ZNF491: variants seen among roughly 807,000 people sequenced by gnomAD.
ZNF491 encodes the protein zinc finger protein 491.
In ZNF491, 22 loss-of-function variants were observed where a neutral mutation model predicts 34.7. The observed-to-expected ratio is 0.63, with a 90% confidence interval of 0.45 to 0.90. The LOEUF is 0.90. Among genes scored for constraint, ZNF491 ranks in the 40% least tolerant of loss-of-function variants. The pLI, the probability that ZNF491 is intolerant of heterozygous loss-of-function variation, is 0.00. For synonymous variants in ZNF491, 148 were observed against 174.3 expected, an observed-to-expected ratio of 0.85 and a Z score of 1.19; for missense variants, 559 against 531.7, an observed-to-expected ratio of 1.05 and a Z score of -0.51.
At chr19:11,799,724 A>G (rs1975538724) in intron 1 of ZNF491, among the ~76,000 whole-genome samples, 1 of 152,198 alleles carries the variant, frequency 6.6e-6, no homozygotes, top group African/African-American at 2.4e-5. Context: ...TGACGAGGTC[A>G]GGAATTCGAG....
chr19:11,805,426 A>AAG (rs924273689), intron 2 of ZNF491, among the ~76,000 whole-genome samples: 1 of 151,854 alleles, frequency 6.6e-6, no homozygotes, highest in African/African-American at 2.4e-5. Context: ...AAAAAAAAAA[A>AAG]AAAAAGAAAC....
At chr19:11,802,980 C>CTTT (rs60046800) in intron 1 of ZNF491, among the ~76,000 whole-genome samples, 1 of 136,780 alleles carries the variant, frequency 7.3e-6, no homozygotes, top group Non-Finnish European at 1.6e-5. Context: ...TTTTCCTATT[C>CTTT]TTTTTTTTTT....
At chr19:11,802,669 T>C (rs1274494365) in intron 1 of ZNF491, among the ~76,000 whole-genome samples, 1 of 152,256 alleles carries the variant, frequency 6.6e-6, no homozygotes, top group Non-Finnish European at 1.5e-5. Context: ...CAGTTAGTTA[T>C]GACTCTCTTA....
At chr19:11,800,480 A>T (rs1450732449) in intron 1 of ZNF491, among the ~76,000 whole-genome samples, 2 of 152,008 alleles carry the variant, frequency 1.3e-5, no homozygotes, top group African/African-American at 4.8e-5. Context: ...AGCACTATTT[A>T]AAAATGTTAT....
intron 1 of ZNF491, among the ~76,000 whole-genome samples, chr19:11,802,715 G>A (rs1163876549): frequency 6.6e-6 from 1 of 152,110 alleles, no homozygotes; most frequent in Admixed American, 6.5e-5. Flanking sequence ...GCAAAATTCG[G>A]TTTTTGTTTG....
rs547272824 is a variant in ZNF491, at chr19:11,808,316, A to T, written c.*1049A>T. 1.2e-3 allele frequency among the ~76,000 whole-genome samples: 186 copies of T among 150,738 alleles called. 1 individual carries two copies. Among genetic ancestry groups the T allele is most frequent in the Middle Eastern group, 3.4e-3 (1 of 292 alleles). On this transcript the variant is annotated 3_prime_UTR_variant, in exon 3 of 3. Transcript: ENST00000323169. ...AGAATCTCCTGAACCTGGGAGGTGG[A>T]GGTTGCAGTGAGCCAAGATCACGCC...
At chr19:11,805,639 A>G (rs1975601575) in intron 2 of ZNF491, among the ~76,000 whole-genome samples, 1 of 152,140 alleles carries the variant, frequency 6.6e-6, no homozygotes, top group African/African-American at 2.4e-5. Flanking sequence ...CTTGAGGTCA[A>G]GAGCCCAAGA....
Position 11,806,328 on chromosome 19 carries a change from CA to C in ZNF491, c.376del (p.Ser126ValfsTer131), listed in dbSNP as rs1237521736. The C allele has an allele frequency of 6.2e-7, 1 of 1,611,394 alleles. No individual in the cohort carries two copies. The highest frequency in any genetic ancestry group is 1.3e-5 in the African/African-American group (1 of 74,754). The stretch of plus-strand genomic sequence containing the variant: ...GCATTCGAAGATATATGGTAACGCA[CA>C]GTGGAGATGGACCTTATAAATGTAA... ...ASIRRYMVTH[S>X]GDGPYKCKFC... On this transcript the variant is annotated frameshift_variant, in exon 3 of 3. Coordinates refer to ENST00000323169, the MANE Select transcript of ZNF491 (RefSeq NM_152356.4). LOFTEE classifies it high-confidence loss of function.
At position 11,807,288 on chromosome 19, in the gene ZNF491, T is replaced by G; in HGVS notation, c.*21T>G. ...TATGAGAGAAATGCTATTTTTTAAT[T>G]TTTATTTTAATAGAGACAGGGTCTC... On this transcript the variant is annotated 3_prime_UTR_variant, in exon 3 of 3. Transcript: ENST00000323169. 1 of 1,485,270 alleles carries G rather than the reference T, an allele frequency of 6.7e-7. No individual in the cohort carries two copies. The highest frequency in any genetic ancestry group is 9.0e-7 in the Non-Finnish European group (1 of 1,116,446). 92.0% of individuals were successfully genotyped at this position (1,485,270 alleles called of 1,614,324 possible).
chr19:11,802,876 T>G (rs1055298871), intron 1 of ZNF491, among the ~76,000 whole-genome samples: 1 of 152,118 alleles, frequency 6.6e-6, no homozygotes, highest in Non-Finnish European at 1.5e-5. Flanking sequence ...TTAGTAGGAC[T>G]CTGTTACAAA....
chr19:11,800,824 A>T (rs2145096219), intron 1 of ZNF491, among the ~76,000 whole-genome samples: 1 of 152,170 alleles, frequency 6.6e-6, no homozygotes, highest in East Asian at 1.9e-4. Context: ...GGAGTTCAAG[A>T]CCAGAGTGGG....
intron 1 of ZNF491, among the ~76,000 whole-genome samples, chr19:11,803,487 T>G: frequency 6.6e-6 from 1 of 152,342 alleles, no homozygotes; most frequent in East Asian, 1.9e-4. Flanking sequence ...ATATCCTTTT[T>G]CTATTCCAGG....
chr19:11,801,979 AT>A (rs1289219728), intron 1 of ZNF491, among the ~76,000 whole-genome samples: 1 of 151,984 alleles, frequency 6.6e-6, no homozygotes, highest in Non-Finnish European at 1.5e-5. Context: ...ATGGATTTCA[AT>A]TCATTTTATT....
Position 11,806,934 on chromosome 19 carries a change from T to C in ZNF491, c.981T>C (p.Asp327=). 6.2e-7 allele frequency: 1 copy of C among 1,611,786 alleles called. No homozygotes were observed. Among genetic ancestry groups the C allele is most frequent in the Non-Finnish European group, 8.5e-7 (1 of 1,179,400 alleles). The change falls in exon 3 of 3, where the codon GAT becomes GAC. Residue 327 remains aspartate, a synonymous_variant. Transcript: ENST00000323169. The stretch of plus-strand genomic sequence containing the variant: ...GGACTCACACTGGAGAGAAACCCGA[T>C]GGGTGTAAGCAATGTGGGAAAGCCT... The part of the protein sequence containing the change: ...HERTHTGEKP[D]GCKQCGKAFR...
chr19:11,799,459 TAATC>T (rs1975534407), intron 1 of ZNF491, among the ~76,000 whole-genome samples: 1 of 150,846 alleles, frequency 6.6e-6, no homozygotes, highest in African/African-American at 2.4e-5. Context: ...CACAACAATT[TAATC>T]AGAGTTTGGC....
chr19:11,799,472 G>C (rs1299123993), intron 1 of ZNF491, among the ~76,000 whole-genome samples: 1 of 132,696 alleles, frequency 7.5e-6, no homozygotes, highest in South Asian at 2.4e-4. Flanking sequence ...TCAGAGTTTG[G>C]CCCGCCCCCC....
intron 2 of ZNF491, among the ~76,000 whole-genome samples, chr19:11,805,074 T>G (rs553426320): frequency 1.1e-4 from 16 of 152,348 alleles, no homozygotes; most frequent in Middle Eastern, 6.8e-3. Flanking sequence ...CAATGTGATA[T>G]AGAGGTTTAA....
rs1975529448 is a variant in ZNF491 at position 11,798,921 on chromosome 19, G to T, written c.-134+194G>T. 6.6e-6 allele frequency among the ~76,000 whole-genome samples: 1 copy of T among 152,168 alleles called. No individual in the cohort carries two copies. Among genetic ancestry groups the T allele is most frequent in the Admixed American group, 6.5e-5 (1 of 15,280 alleles). On this transcript the variant is annotated intron_variant, in intron 1 of 2. Coordinates refer to ENST00000323169, the MANE Select transcript of ZNF491 (RefSeq NM_152356.4). This position sits in a 1 kb window ranked among gnomAD's most constrained non-coding sequence, Gnocchi z 4.0. Reference sequence around the variant, plus strand: ...TGGGCCCGCAGCTGGGACCCCGGGCGTCCTGTCCCGTCCCTACGCGGCGAC... The same window carrying T: ...TGGGCCCGCAGCTGGGACCCCGGGCTTCCTGTCCCGTCCCTACGCGGCGAC...
rs1227983379 is a variant in ZNF491 at position 11,807,538 on chromosome 19, C to A, written c.*271C>A. ...ACATGGGCTGTGTGGCCCCCTGATTCTAGCCCATTTTCCTGATTCTCTGGC... is the reference window on the plus strand; with the variant it reads ...ACATGGGCTGTGTGGCCCCCTGATTATAGCCCATTTTCCTGATTCTCTGGC... On this transcript the variant is annotated 3_prime_UTR_variant, in exon 3 of 3. Coordinates refer to ENST00000323169, the MANE Select transcript of ZNF491 (RefSeq NM_152356.4). 8.6e-6 allele frequency: 3 copies of A among 348,728 alleles called. No homozygotes were observed. The highest frequency in any genetic ancestry group is 1.6e-5 in the Non-Finnish European group (3 of 185,288). 21.6% of individuals were successfully genotyped at this position (348,728 alleles called of 1,614,324 possible).
Sources: allele counts gnomAD v4.1 joint callset (sites outside exome capture counted in the v4.1 genomes callset), GRCh38; gene constraint gnomAD v4.1.1; non-coding constraint Gnocchi (gnomAD v3.1); transcripts MANE v1.5; gene names NCBI Gene and HGNC (gene_info 2026-07-23, HGNC 2026-07-21).